Variants in RORA observed in about 807,000 individuals in gnomAD.
RORA encodes RAR related orphan receptor A.
RORA carries 7 observed loss-of-function variants against 69.5 expected under a neutral mutation model. The observed-to-expected ratio is 0.10, with a 90% CI of 0.06 to 0.19. RORA has a LOEUF of 0.19. Ranked by LOEUF, RORA falls within the 10% of genes least tolerant of loss-of-function variation. The pLI is 1.00. For missense variants in RORA, 457 were observed against 663.0 expected, an observed-to-expected ratio of 0.69 and a Z score of 3.41; for synonymous variants, 261 against 240.8, an observed-to-expected ratio of 1.08 and a Z score of -0.78.
Position 60,946,410 on chromosome 15 carries a change from GGC to G in RORA, c.167-267726_167-267725del, listed in dbSNP as rs572552421. ...AGCCTGCCGAGTGCCTGCGATTGCAGGCGCGCGCCGCCACGCCTGACTGGTTT... is the reference window on the plus strand; with the variant it reads ...AGCCTGCCGAGTGCCTGCGATTGCAGGCGCGCCGCCACGCCTGACTGGTTT... On this transcript the variant is annotated intron_variant, in intron 1 of 10. Coordinates refer to ENST00000335670, the MANE Select transcript of RORA (RefSeq NM_134261.3). Among the ~76,000 whole-genome samples the G allele has an allele frequency of 4.7e-4, 72 of 152,326 alleles. No homozygotes were observed. The South Asian group carries it at 7.1e-3, about 15-fold the overall frequency.
rs763304385 is a variant in RORA, at chr15:60,500,050, G to A, written c.1295-46C>T. On this transcript the variant is annotated intron_variant, in intron 9 of 10. Coordinates refer to ENST00000335670, the MANE Select transcript of RORA (RefSeq NM_134261.3). ...TTCTTTAGCATTCCTCTGACATGGTGTCAGGATCCTTCTTCTCCGGATTCT... is the reference window on the plus strand; with the variant it reads ...TTCTTTAGCATTCCTCTGACATGGTATCAGGATCCTTCTTCTCCGGATTCT... 11 of 1,179,198 alleles carry A rather than the reference G, an allele frequency of 9.3e-6. No homozygotes were observed. The South Asian group carries it at 1.4e-4, about 15-fold the overall frequency. The allele number at this position is 1,179,198 out of a possible 1,614,324, so 73.0% of individuals were successfully genotyped here.
At chr15:60,712,055 T>C (rs1377740139) in intron 1 of RORA, among the ~76,000 whole-genome samples, 1 of 152,208 alleles carries the variant, frequency 6.6e-6, no homozygotes, top group Non-Finnish European at 1.5e-5. Context: ...TCAGTGACAG[T>C]GTATTTTTCT....
At chr15:61,150,290 G>T (rs1312639653) in intron 1 of RORA, among the ~76,000 whole-genome samples, 1 of 152,096 alleles carries the variant, frequency 6.6e-6, no homozygotes, top group Non-Finnish European at 1.5e-5. Flanking sequence ...TCCTCTTTGG[G>T]CTTATAAAGC....
chr15:60,948,634 T>C (rs1392975079), intron 1 of RORA, among the ~76,000 whole-genome samples: 2 of 152,014 alleles, frequency 1.3e-5, no homozygotes, highest in African/African-American at 2.4e-5. Context: ...ATTTTAAAGA[T>C]GAAAAAACTG....
chr15:61,019,761 T>C (rs1439087202), intron 1 of RORA, among the ~76,000 whole-genome samples: 18 of 152,302 alleles, frequency 1.2e-4, no homozygotes, highest in Non-Finnish European at 1.8e-4. Context: ...ACTCTCCTAA[T>C]GACCATCTTC....
chr15:60,852,175 C>T (rs1005030576), intron 1 of RORA, among the ~76,000 whole-genome samples: 1 of 152,130 alleles, frequency 6.6e-6, no homozygotes, highest in African/African-American at 2.4e-5. Context: ...TTAAGGACAC[C>T]ATCATGGGTG....
At chr15:60,925,652 T>G (rs1595820685) in intron 1 of RORA, among the ~76,000 whole-genome samples, 1 of 152,342 alleles carries the variant, frequency 6.6e-6, no homozygotes, top group African/African-American at 2.4e-5. Context: ...TGAATGATCA[T>G]CAGACCGGCC....
intron 1 of RORA, among the ~76,000 whole-genome samples, chr15:60,820,426 T>C (rs1189486331): frequency 1.3e-5 from 2 of 152,134 alleles, no homozygotes; most frequent in African/African-American, 4.8e-5. Context: ...TTGGAGGTCT[T>C]GAAGAAACGG....
At chr15:61,136,346 C>T (rs964187939) in intron 1 of RORA, among the ~76,000 whole-genome samples, 2 of 152,174 alleles carry the variant, frequency 1.3e-5, no homozygotes, top group Non-Finnish European at 1.5e-5. Flanking sequence ...CCAGTTGTTA[C>T]GTGTGATGCT....
At chr15:60,569,055 A>G (rs899045057) in intron 2 of RORA, among the ~76,000 whole-genome samples, 1 of 151,844 alleles carries the variant, frequency 6.6e-6, no homozygotes, top group Non-Finnish European at 1.5e-5. Flanking sequence ...TCACACCTCT[A>G]TCTTCTGGCA....
At chr15:60,977,236 G>A (rs1332316797) in intron 1 of RORA, among the ~76,000 whole-genome samples, 1 of 152,042 alleles carries the variant, frequency 6.6e-6, no homozygotes, top group African/African-American at 2.4e-5. Context: ...AGGTACTGGT[G>A]GGGAGGGGGT....
At chr15:60,786,050 T>A (rs1333830991) in intron 1 of RORA, among the ~76,000 whole-genome samples, 1 of 152,228 alleles carries the variant, frequency 6.6e-6, no homozygotes, top group Non-Finnish European at 1.5e-5. Flanking sequence ...AATCTTTTAT[T>A]AAAGACTTGC....
At chr15:60,799,457 G>A (rs776006933) in intron 1 of RORA, among the ~76,000 whole-genome samples, 1 of 152,052 alleles carries the variant, frequency 6.6e-6, no homozygotes, top group African/African-American at 2.4e-5. Context: ...AGCACTGGCT[G>A]TTGCTGTCTG....
chr15:60,796,840 A>C (rs1248281489), intron 1 of RORA, among the ~76,000 whole-genome samples: 1 of 151,962 alleles, frequency 6.6e-6, no homozygotes, highest in Non-Finnish European at 1.5e-5. Flanking sequence ...ATACAAAAGA[A>C]TATTATTCAG....
chr15:60,723,365 T>C (rs2071316733), intron 1 of RORA, among the ~76,000 whole-genome samples: 1 of 150,124 alleles, frequency 6.7e-6, no homozygotes, highest in Admixed American at 6.7e-5. Flanking sequence ...AATGTGATCC[T>C]ATCAAAACCA....
chr15:60,703,076 G>C (rs561190361), intron 1 of RORA, among the ~76,000 whole-genome samples: 1 of 150,970 alleles, frequency 6.6e-6, no homozygotes, highest in Admixed American at 6.6e-5. Flanking sequence ...TATCATAAAG[G>C]AACAGTGTGG....
At chr15:60,505,358 G>T in intron 6 of RORA, 150 bp downstream of exon 6, 1 of 797,088 alleles carries the variant, frequency 1.3e-6, no homozygotes, top group Non-Finnish European at 2.0e-6. Context: ...AAAGCCTCAA[G>T]TACATTAGTA....
intron 1 of RORA, among the ~76,000 whole-genome samples, chr15:61,054,061 G>T (rs2078055862): frequency 6.6e-6 from 1 of 151,800 alleles, no homozygotes; most frequent in Non-Finnish European, 1.5e-5. Flanking sequence ...GCTGCTGGGT[G>T]GTAGGTGTGA....
chr15:61,192,036 T>C (rs1243830221), intron 1 of RORA, among the ~76,000 whole-genome samples: 1 of 151,464 alleles, frequency 6.6e-6, no homozygotes, highest in Non-Finnish European at 1.5e-5. Context: ...GTGTAGATTT[T>C]AGGCGGTAGC....
Sources: gnomAD v4.1 joint callset for allele counts (sites outside exome capture counted in the v4.1 genomes callset) on GRCh38, gnomAD v4.1.1 for gene constraint, MANE v1.5 for transcripts, NCBI Gene and HGNC (gene_info 2026-07-23, HGNC 2026-07-21) for gene names.